The following DHX29 variants were observed in gnomAD, a reference collection of about 807,000 sequenced individuals.
The protein encoded by DHX29 is ATP-dependent RNA helicase DHX29.
A neutral mutation model predicts 167.9 loss-of-function variants in DHX29; 79 were observed. The observed-to-expected ratio is 0.47, with a 90% confidence interval of 0.39 to 0.57. DHX29 has a LOEUF of 0.57. Ranked by LOEUF, DHX29 falls within the 20% of genes least tolerant of loss-of-function variation. The pLI is 0.00. For synonymous variants in DHX29, 530 were observed against 546.0 expected, an observed-to-expected ratio of 0.97 and a Z score of 0.41; for missense variants, 1,347 against 1,593.4, an observed-to-expected ratio of 0.85 and a Z score of 2.63.
chr5:55,306,497 G>A (rs1748869482), intron 1 of DHX29, among the ~76,000 whole-genome samples: 1 of 151,630 alleles, frequency 6.6e-6, no homozygotes, highest in Admixed American at 6.6e-5. Flanking sequence ...TTTCTTTGTG[G>A]CACTTATCTA....
intron 1 of DHX29, among the ~76,000 whole-genome samples, chr5:55,304,595 T>C (rs1354488080): frequency 6.6e-6 from 1 of 152,020 alleles, no homozygotes; most frequent in Non-Finnish European, 1.5e-5. Context: ...CCACTGCGCC[T>C]AGCCACCTTC....
intron 5 of DHX29, among the ~76,000 whole-genome samples, chr5:55,294,657 C>A (rs1192449249): frequency 6.6e-6 from 1 of 152,082 alleles, no homozygotes; most frequent in Non-Finnish European, 1.5e-5. Flanking sequence ...CCAGCCTGGG[C>A]AACAGAGCAA....
At chr5:55,282,756 T>TA (rs1388823150) in intron 11 of DHX29, among the ~76,000 whole-genome samples, 1 of 152,108 alleles carries the variant, frequency 6.6e-6, no homozygotes. Flanking sequence ...TTTTTTTAAA[T>TA]ATGGGGTTGG....
At chr5:55,257,138 C>T (rs1746092745) in intron 26 of DHX29, among the ~76,000 whole-genome samples, 1 of 152,210 alleles carries the variant, frequency 6.6e-6, no homozygotes, top group Non-Finnish European at 1.5e-5. Flanking sequence ...GCAACAGAGG[C>T]TGCATTATTT....
chr5:55,307,654 G>A lies in DHX29; in HGVS notation c.-81C>T, dbSNP rs986097508. On this transcript the variant is annotated 5_prime_UTR_variant, in exon 1 of 27. Transcript: ENST00000251636. The stretch of plus-strand genomic sequence containing the variant: ...CAGCCGAGAGCTCTTCACATTCCCC[G>A]GCTCCGGGGCTGCCACCCTGCGCTT... The A allele has an allele frequency of 1.5e-5, 23 of 1,530,236 alleles. No homozygotes were observed. Among genetic ancestry groups the A allele is most frequent in the Middle Eastern group, 2.4e-4 (1 of 4,232 alleles). The allele number at this position is 1,530,236 out of a possible 1,614,324, so 94.8% of individuals were successfully genotyped here. A position where few individuals can be genotyped will look rare whatever the true frequency, so the allele number is the denominator to read the frequency against.
chr5:55,289,908 G>A (rs1244813670), intron 7 of DHX29, among the ~76,000 whole-genome samples: 1 of 152,028 alleles, frequency 6.6e-6, no homozygotes, highest in Non-Finnish European at 1.5e-5. Flanking sequence ...AAGAACATTT[G>A]GTGACATGAT....
intron 8 of DHX29, among the ~76,000 whole-genome samples, chr5:55,288,999 A>G (rs1266806965): frequency 6.6e-6 from 1 of 152,250 alleles, no homozygotes; most frequent in Non-Finnish European, 1.5e-5. Context: ...ACTCACATTT[A>G]GATCTGTATT....
rs909312732 is a variant in DHX29, at chr5:55,307,661, G to A, written c.-88C>T. On this transcript the variant is annotated 5_prime_UTR_variant, in exon 1 of 27. Transcript: ENST00000251636. ...GAGCTCTTCACATTCCCCGGCTCCG[G>A]GGCTGCCACCCTGCGCTTCGATCCG... 57 of 1,516,330 alleles carry A rather than the reference G, an allele frequency of 3.8e-5. 1 individual carries two copies. The highest frequency in any genetic ancestry group is 1.2e-5 in the South Asian group (1 of 85,446). The allele number at this position is 1,516,330 out of a possible 1,614,324, so 93.9% of individuals were successfully genotyped here.
At position 55,275,000 on chromosome 5, in the gene DHX29, G is replaced by A. The variant is rs772914506; in HGVS notation, c.2438C>T (p.Pro813Leu). The change falls in exon 15 of 27, where the codon CCA (proline) becomes CTA (leucine). Residue 813 changes from proline (P) to leucine (L), a missense_variant. Pro to Leu is a moderately conservative substitution (Grantham distance 98). This residue lies in a region of DHX29 where 882 missense variants were observed against 1,082.4 expected (regional missense o/e 0.81). Transcript: ENST00000251636. ...ATCAGCATGTGCTCCAGTCTGAACTGGGATGTATTCCTAAAAGAAATCCAA... is the reference window on the plus strand; with the variant it reads ...ATCAGCATGTGCTCCAGTCTGAACTAGGATGTATTCCTAAAAGAAATCCAA... ...GGIKKYQEYIPVQTGAHADLN... is the reference protein window; with the variant it reads ...GGIKKYQEYILVQTGAHADLN... 3 of 1,611,604 alleles carry A rather than the reference G, an allele frequency of 1.9e-6. No homozygotes were observed. In the Admixed American group the frequency reaches 5.1e-5, roughly 27 times the overall value.
intron 5 of DHX29, 22 bp from the exon 6 acceptor site, chr5:55,294,167 C>T (rs1410451566): frequency 1.3e-6 from 2 of 1,559,034 alleles, no homozygotes; most frequent in Non-Finnish European, 1.7e-6. Context: ...AAACAAATAT[C>T]TGAAAAACCA....
chr5:55,273,278 T>C lies in DHX29; in HGVS notation c.2775+15A>G, dbSNP rs772602567. 5 of 1,572,232 alleles carry C rather than the reference T, an allele frequency of 3.2e-6. No homozygotes were observed. In the African/African-American group the frequency reaches 4.1e-5, roughly 13 times the overall value. On this transcript the variant is annotated intron_variant, in intron 17 of 26. Transcript: ENST00000251636. ...TCAGGTGGATCACATATAAATTTGC[T>C]GTACTAAATTTTACCTTCCTGACTC...
chr5:55,301,644 C>T lies in DHX29; in HGVS notation c.188-2980G>A, dbSNP rs1330156346. On this transcript the variant is annotated intron_variant, in intron 1 of 26. Coordinates refer to ENST00000251636, the MANE Select transcript of DHX29 (RefSeq NM_019030.4). ...AGGAGAATCGCTTGAACTCAGAAGG[C>T]GGAGGTTGCAGTGAGCCGAGATTTC... is the stretch of plus-strand genomic sequence containing the variant. 3.0e-5 allele frequency among the ~76,000 whole-genome samples: 4 copies of T among 134,434 alleles called. No individual in the cohort carries two copies. The East Asian group carries it at 7.3e-4, about 24-fold the overall frequency. The allele number at this position is 134,434 out of a possible 152,430, so 88.2% of individuals were successfully genotyped here.
intron 3 of DHX29, 130 bp downstream of exon 3, chr5:55,297,151 TTCTC>T (rs1236117639): frequency 6.7e-6 from 4 of 596,492 alleles, no homozygotes; most frequent in African/African-American, 3.8e-5. Context: ...GCACAATTCT[TTCTC>T]TATTCTTAGA....
intron 11 of DHX29, 21 bp downstream of exon 11, chr5:55,283,182 T>G (rs1231386831): frequency 6.4e-7 from 1 of 1,555,548 alleles, no homozygotes; most frequent in Non-Finnish European, 8.7e-7. Context: ...TTCACTGAGG[T>G]GGAGTTGAAT....
rs1406868609 is a variant in DHX29, at chr5:55,307,368, G to A, written c.187+19C>T. On this transcript the variant is annotated intron_variant, in intron 1 of 26. Transcript: ENST00000251636. ...AAGGTCTCAGGGCAGACAGCCAGGG[G>A]CTGGGGGACCTCTCGTACCTTGCTT... The A allele has an allele frequency of 2.5e-6, 4 of 1,607,158 alleles. No individual in the cohort carries two copies. The highest frequency in any genetic ancestry group is 1.3e-5 in the African/African-American group (1 of 74,752).
intron 1 of DHX29, among the ~76,000 whole-genome samples, chr5:55,306,279 G>T (rs755577270): frequency 6.6e-6 from 1 of 152,016 alleles, no homozygotes; most frequent in Non-Finnish European, 1.5e-5. Flanking sequence ...AATTCCTCAA[G>T]AGCCCCAAGC....
rs1748378091 is a variant in DHX29 at position 55,297,378 on chromosome 5, T to G, written c.282A>C (p.Leu94=). 2.0e-6 allele frequency: 3 copies of G among 1,508,080 alleles called. No individual in the cohort carries two copies. Among genetic ancestry groups the G allele is most frequent in the East Asian group, 2.3e-5 (1 of 44,168 alleles). 93.4% of individuals were successfully genotyped at this position (1,508,080 alleles called of 1,614,324 possible). ...TGATCACTCCAATAATTCTTTGCTC[T>G]AGTTTGTTATTAATTACCACCTGTT... ...SILKVVINNK[L]EQRIIGVINE... The change falls in exon 3 of 27, where the codon CTA becomes CTC. Residue 94 remains leucine (L), a synonymous_variant. Transcript: ENST00000251636.
Position 55,283,240 on chromosome 5 carries a change from C to T in DHX29, c.1928G>A (p.Cys643Tyr), listed in dbSNP as rs774007095. ...TCCATTTTCACAGCCCAATTCATCA[C>T]ATACTCTGTTGGCTAAACTAACTGC... ...ISAVSLANRV[C>Y]DELGCENGPG... The change falls in exon 11 of 27, where the codon TGT (cysteine) becomes TAT (tyrosine). Residue 643 changes from cysteine (C) to tyrosine (Y), a missense_variant. Physicochemically the swap from Cys to Tyr is radical, Grantham distance 194. Around this residue, in one of 3 missense-constraint regions of DHX29, gnomAD observed 882 missense variants for 1,082.4 expected, o/e 0.81. Transcript: ENST00000251636. The T allele has an allele frequency of 6.2e-6, 10 of 1,606,898 alleles. No homozygotes were observed. Among genetic ancestry groups the T allele is most frequent in the Non-Finnish European group, 8.5e-6 (10 of 1,175,294 alleles).
Position 55,289,436 on chromosome 5 carries a change from G to GA in DHX29, c.908-9dup. ...CTTCTAAAGTTTCCATTTCTACCAA[G>GA]AAAAAAATATAATGTTTAGTTTCAT... On this transcript the variant is annotated splice_polypyrimidine_tract_variant and intron_variant, in intron 7 of 26. Coordinates refer to ENST00000251636, the MANE Select transcript of DHX29 (RefSeq NM_019030.4). 3.3e-6 allele frequency: 5 copies of GA among 1,515,030 alleles called. No homozygotes were observed. The highest frequency in any genetic ancestry group is 1.4e-5 in the South Asian group (1 of 71,950). The allele number at this position is 1,515,030 out of a possible 1,614,324, so 93.8% of individuals were successfully genotyped here. A position where few individuals can be genotyped will look rare whatever the true frequency, so the allele number is the denominator to read the frequency against.
Sources: gnomAD v4.1 joint callset for allele counts (sites outside exome capture counted in the v4.1 genomes callset) on GRCh38, gnomAD v4.1.1 for gene constraint, gnomAD v4.1.1 regional missense constraint, MANE v1.5 for transcripts, NCBI Gene and HGNC (gene_info 2026-07-23, HGNC 2026-07-21) for gene names.